The following WASL variants were observed in gnomAD, a reference collection of about 807,000 sequenced individuals.
WASL encodes the protein WASP like actin nucleation promoting factor.
In WASL, 20 loss-of-function variants were observed where a neutral mutation model predicts 55.5. That is an observed-to-expected ratio of 0.36 (90% confidence interval 0.25 to 0.52). WASL has a LOEUF of 0.52. WASL is among the 20% of genes least tolerant of loss of function. The pLI, the probability that WASL is intolerant of heterozygous loss-of-function variation, is 0.92. For synonymous variants in WASL, 249 were observed against 217.6 expected (o/e 1.14, Z -1.27); for missense variants, 504 against 622.5 (o/e 0.81, Z 2.03).
Position 123,748,991 on chromosome 7 carries a change from C to G in WASL, c.-257G>C, listed in dbSNP as rs1249804733. On this transcript the variant is annotated 5_prime_UTR_variant, in exon 1 of 11. Transcript: ENST00000223023. ...GGGCCGGATGGTCGTTGTCCTCGCA[C>G]TCCGGCGACTGCGCTAAACTCCCAA... The G allele has an allele frequency of 5.9e-6, 3 of 505,030 alleles. No homozygotes were observed. The highest frequency in any genetic ancestry group is 1.0e-5 in the Non-Finnish European group (3 of 288,082). The allele number at this position is 505,030 out of a possible 1,614,324, so 31.3% of individuals were successfully genotyped here.
chr7:123,711,128 T>TCA (rs879502408), intron 1 of WASL, among the ~76,000 whole-genome samples: 11 of 151,876 alleles, frequency 7.2e-5, no homozygotes, highest in East Asian at 3.9e-4. Flanking sequence ...AAGTAACAGC[T>TCA]CACACACACA....
At chr7:123,697,100 A>G (rs970229355) in intron 5 of WASL, among the ~76,000 whole-genome samples, 28 of 151,782 alleles carry the variant, frequency 1.8e-4, no homozygotes, top group African/African-American at 6.3e-4. Context: ...AGTGAAACAT[A>G]TCTTGTAACA....
Position 123,748,582 on chromosome 7 carries a change from A to T in WASL, c.117+36T>A, listed in dbSNP as rs140498077. On this transcript the variant is annotated intron_variant, in intron 1 of 10. Coordinates refer to ENST00000223023, the MANE Select transcript of WASL (RefSeq NM_003941.4). ...CCCCCAAGCCCGGGCCCGTGAGGTAATGTCACGGGTGGCGACGCGGGTCTC... is the reference window on the plus strand; with the variant it reads ...CCCCCAAGCCCGGGCCCGTGAGGTATTGTCACGGGTGGCGACGCGGGTCTC... 2,012 of 1,605,632 alleles carry T rather than the reference A, an allele frequency of 1.3e-3. 7 individuals carry two copies. Among genetic ancestry groups the T allele is most frequent in the Non-Finnish European group, 1.5e-3 (1,714 of 1,173,636 alleles).
chr7:123,723,957 T>A (rs1205470158), intron 1 of WASL, among the ~76,000 whole-genome samples: 2 of 152,196 alleles, frequency 1.3e-5, no homozygotes, highest in African/African-American at 4.8e-5. Context: ...CTTAATGAAA[T>A]TCAATGAGAA....
intron 1 of WASL, among the ~76,000 whole-genome samples, chr7:123,712,480 T>G (rs1390180862): frequency 6.6e-6 from 1 of 152,132 alleles, no homozygotes; most frequent in African/African-American, 2.4e-5. Flanking sequence ...CAACTTATTC[T>G]CATGTTATTC....
At chr7:123,694,593 G>T in intron 8 of WASL, 122 bp downstream of exon 8, 1 of 963,316 alleles carries the variant, frequency 1.0e-6, no homozygotes, top group Non-Finnish European at 1.6e-6. Context: ...CACATTAGTT[G>T]TCCATAGACT....
intron 1 of WASL, among the ~76,000 whole-genome samples, chr7:123,734,427 T>C (rs1274410990): frequency 6.6e-6 from 1 of 152,012 alleles, no homozygotes; most frequent in Non-Finnish European, 1.5e-5. Flanking sequence ...AGCAATGAGA[T>C]ATGATAGCAA....
chr7:123,710,902 T>C (rs1803743658), intron 1 of WASL, among the ~76,000 whole-genome samples: 1 of 152,168 alleles, frequency 6.6e-6, no homozygotes, highest in South Asian at 2.1e-4. Context: ...GAAAAATGCG[T>C]CTTGCATACA....
chr7:123,718,057 G>GA (rs1803874748), intron 1 of WASL, among the ~76,000 whole-genome samples: 1 of 151,404 alleles, frequency 6.6e-6, no homozygotes, highest in African/African-American at 2.4e-5. Context: ...ACAATAGGTA[G>GA]AAAAAAAGTA....
At position 123,721,231 on chromosome 7, in the gene WASL, A is replaced by G. The variant is rs142549023; in HGVS notation, c.118-12008T>C. Among the ~76,000 whole-genome samples the G allele has an allele frequency of 8.7e-4, 133 of 152,368 alleles. 3 individuals are homozygous for G. In the East Asian group the frequency reaches 0.021, roughly 24 times the overall value. On this transcript the variant is annotated intron_variant, in intron 1 of 10. Coordinates refer to ENST00000223023, the MANE Select transcript of WASL (RefSeq NM_003941.4). ...CTTCCATATTTGTTATTCTATATTCAGCAATTCAATGATCTAATAAGCATT... is the reference window on the plus strand; with the variant it reads ...CTTCCATATTTGTTATTCTATATTCGGCAATTCAATGATCTAATAAGCATT...
At chr7:123,728,573 G>C (rs537732208) in intron 1 of WASL, among the ~76,000 whole-genome samples, 1 of 152,100 alleles carries the variant, frequency 6.6e-6, no homozygotes, top group African/African-American at 2.4e-5. Flanking sequence ...CGGGCGCAGC[G>C]GCTCACACCT....
At chr7:123,727,757 T>C (rs1157771014) in intron 1 of WASL, among the ~76,000 whole-genome samples, 1 of 152,212 alleles carries the variant, frequency 6.6e-6, no homozygotes, top group African/African-American at 2.4e-5. Context: ...ATACTCTGTA[T>C]CATTTGTCAA....
chr7:123,706,428 T>C lies in WASL; in HGVS notation c.340-55A>G. The C allele has an allele frequency of 8.0e-6, 12 of 1,494,968 alleles. No individual in the cohort carries two copies. The South Asian group carries it at 1.4e-4, about 18-fold the overall frequency. The allele number at this position is 1,494,968 out of a possible 1,614,324, so 92.6% of individuals were successfully genotyped here. Reference sequence around the variant, plus strand: ...AACAGAATGTATGAATTTAGCTTTATATCATAAAAACAATGAGGAAAAGAA... The same window carrying C: ...AACAGAATGTATGAATTTAGCTTTACATCATAAAAACAATGAGGAAAAGAA... On this transcript the variant is annotated intron_variant, in intron 3 of 10. Coordinates refer to ENST00000223023, the MANE Select transcript of WASL (RefSeq NM_003941.4).
chr7:123,718,230 T>C (rs748223403), intron 1 of WASL, among the ~76,000 whole-genome samples: 22 of 152,158 alleles, frequency 1.4e-4, no homozygotes, highest in Non-Finnish European at 2.2e-4. Flanking sequence ...TAATTTTGGA[T>C]TGTTTTTCTT....
chr7:123,692,532 G>C lies in WASL; in HGVS notation c.1162C>G (p.Pro388Ala), dbSNP rs754875162. 6.2e-7 allele frequency: 1 copy of C among 1,614,116 alleles called. No individual in the cohort carries two copies. The highest frequency in any genetic ancestry group is 8.5e-7 in the Non-Finnish European group (1 of 1,180,020). Reference protein sequence around the residue: ...PPPPPPGPPPPPGLPSDGDHQ... With the variant: ...PPPPPPGPPPAPGLPSDGDHQ... The stretch of plus-strand genomic sequence containing the variant: ...TCCCCATCAGAAGGCAGGCCAGGCG[G>C]GGGCGGTGGCCCAGGAGGAGGTGGA... Residue 388 changes from proline (P) to alanine (A), a missense_variant, in exon 9 of 11, where the codon CCG becomes GCG. Physicochemically the swap from Pro to Ala is conservative, Grantham distance 27 (BLOSUM62 -1). This residue lies in a region of WASL where 201 missense variants were observed against 206.2 expected (regional missense o/e 0.97). Coordinates refer to ENST00000223023, the MANE Select transcript of WASL (RefSeq NM_003941.4).
intron 1 of WASL, among the ~76,000 whole-genome samples, chr7:123,728,572 C>T (rs953439080): frequency 6.6e-5 from 10 of 152,034 alleles, no homozygotes; most frequent in African/African-American, 2.4e-4. Context: ...CCGGGCGCAG[C>T]GGCTCACACC....
At chr7:123,684,644 G>T in intron 10 of WASL, 64 bp from the exon 11 acceptor site, 1 of 1,456,108 alleles carries the variant, frequency 6.9e-7, no homozygotes, top group East Asian at 2.6e-5. Flanking sequence ...TAATTCTTGG[G>T]TGGTTTCTCC....
chr7:123,742,006 TA>T (rs1187155237), intron 1 of WASL, among the ~76,000 whole-genome samples: 2 of 152,108 alleles, frequency 1.3e-5, no homozygotes, highest in African/African-American at 2.4e-5. Flanking sequence ...GATAACTTTT[TA>T]AAAAAATAGT....
intron 5 of WASL, among the ~76,000 whole-genome samples, chr7:123,700,171 G>A (rs1198726845): frequency 2.0e-4 from 11 of 53,988 alleles, no homozygotes; most frequent in Non-Finnish European, 1.2e-4. Context: ...GCGAAACTCC[G>A]TCTCAAAAAA....
Sources: gnomAD v4.1 joint callset for allele counts (sites outside exome capture counted in the v4.1 genomes callset) on GRCh38, gnomAD v4.1.1 for gene constraint, gnomAD v4.1.1 regional missense constraint, MANE v1.5 for transcripts, NCBI Gene and HGNC (gene_info 2026-07-23, HGNC 2026-07-21) for gene names.